Variants in GBE1 observed in about 807,000 individuals in gnomAD.
GBE1 encodes 1,4-alpha-glucan branching enzyme 1, also known as 1,4-alpha-glucan-branching enzyme.
In GBE1, 70 loss-of-function variants were observed where a neutral mutation model predicts 88.8. That is an observed-to-expected ratio of 0.79 (90% CI 0.65 to 0.96). The LOEUF (loss-of-function observed/expected upper bound fraction) is 0.96, where lower values mean the gene tolerates loss of function less well. GBE1 is among the 40% of genes least tolerant of loss of function. The pLI is 0.00. For synonymous variants in GBE1, 284 were observed against 300.1 expected, an observed-to-expected ratio of 0.95 and a Z score of 0.56; for missense variants, 872 against 871.0, an observed-to-expected ratio of 1.00 and a Z score of -0.01.
At chr3:81,522,382 A>G (rs928516311) in intron 14 of GBE1, among the ~76,000 whole-genome samples, 9 of 151,544 alleles carry the variant, frequency 5.9e-5, no homozygotes, top group African/African-American at 2.2e-4. Context: ...AAATTTCTAG[A>G]TGGGACTTCT....
chr3:81,502,095 T>C (rs1323578887), intron 14 of GBE1, among the ~76,000 whole-genome samples: 1 of 151,982 alleles, frequency 6.6e-6, no homozygotes, highest in East Asian at 1.9e-4. Flanking sequence ...TTCAATGTTA[T>C]AGTAAAATAA....
chr3:81,536,798 A>G (rs1703080166), intron 13 of GBE1, 113 bp downstream of exon 13: 4 of 759,138 alleles, frequency 5.3e-6, no homozygotes, highest in South Asian at 1.9e-5. Flanking sequence ...GACACTAGAC[A>G]CTGAATAATA....
intron 1 of GBE1, among the ~76,000 whole-genome samples, chr3:81,712,799 AAAAT>A (rs377738556): frequency 9.2e-4 from 138 of 149,392 alleles, no homozygotes; most frequent in African/African-American, 1.9e-3. Context: ...AAGTATAATA[AAAAT>A]AAATAAATAA....
chr3:81,533,914 T>A (rs1416060233), intron 14 of GBE1, among the ~76,000 whole-genome samples: 1 of 152,052 alleles, frequency 6.6e-6, no homozygotes, highest in Non-Finnish European at 1.5e-5. Flanking sequence ...ACCCTGAGAA[T>A]TGAAAGCAAA....
intron 12 of GBE1, among the ~76,000 whole-genome samples, chr3:81,551,760 C>T (rs186271015): frequency 5.3e-5 from 8 of 152,288 alleles, no homozygotes; most frequent in East Asian, 3.9e-4. Flanking sequence ...AGGCTGTGTC[C>T]GGGCACACAT....
intron 7 of GBE1, among the ~76,000 whole-genome samples, chr3:81,609,021 G>A (rs1194401265): frequency 3.3e-5 from 5 of 152,136 alleles, no homozygotes; most frequent in East Asian, 1.9e-4. Flanking sequence ...TAACTAAAAC[G>A]AATGGAGACA....
intron 3 of GBE1, among the ~76,000 whole-genome samples, chr3:81,668,233 G>A (rs1203524774): frequency 6.6e-6 from 1 of 152,022 alleles, no homozygotes; most frequent in Non-Finnish European, 1.5e-5. Flanking sequence ...GGTGAAGGGA[G>A]GGAACTCAGA....
intron 10 of GBE1, 40 bp from the exon 11 acceptor site, chr3:81,581,315 T>C (rs1703727787): frequency 9.4e-7 from 1 of 1,061,070 alleles, no homozygotes; most frequent in African/African-American, 1.6e-5. Flanking sequence ...GAGTAAAGCA[T>C]TATTTTTCTT....
In GBE1 at chr3:81,490,409, A is replaced by C. The variant is rs1400238963; in HGVS notation, c.2107T>G (p.Ter703GlyextTer25). The C allele has an allele frequency of 6.2e-7, 1 of 1,612,616 alleles. No individual in the cohort carries two copies. The highest frequency in any genetic ancestry group is 8.5e-7 in the Non-Finnish European group (1 of 1,178,962). Residue 703 changes from the stop codon to glycine, a stop_lost, in exon 16 of 16, where the codon TGA (stop) becomes GGA (glycine). Transcript: ENST00000429644. Reference protein sequence around the residue: ...LILQNVDLPN* With the variant: ...LILQNVDLPNG ...GGTGGAGCTGAAATCAGGCCTCTTC[A>C]ATTCGGCAGATCCACATTCTGAAGG...
intron 7 of GBE1, among the ~76,000 whole-genome samples, chr3:81,620,662 G>T (rs1357887385): frequency 6.6e-6 from 1 of 152,098 alleles, no homozygotes; most frequent in Non-Finnish European, 1.5e-5. Flanking sequence ...GTAAAATGGG[G>T]AGGGTTTTTA....
intron 2 of GBE1, among the ~76,000 whole-genome samples, chr3:81,684,545 A>AT (rs1177969813): frequency 6.6e-6 from 1 of 152,118 alleles, no homozygotes; most frequent in African/African-American, 2.4e-5. Context: ...AATCCCATTC[A>AT]TGAGGGCTCT....
At chr3:81,545,102 G>T (rs895307796) in intron 12 of GBE1, among the ~76,000 whole-genome samples, 2 of 152,042 alleles carry the variant, frequency 1.3e-5, no homozygotes, top group African/African-American at 4.8e-5. Flanking sequence ...ACTTTTAAAA[G>T]AAAATATCTA....
intron 2 of GBE1, among the ~76,000 whole-genome samples, chr3:81,679,186 C>T (rs769841421): frequency 1.3e-5 from 2 of 152,116 alleles, no homozygotes; most frequent in Non-Finnish European, 2.9e-5. Flanking sequence ...GTTATGAGGT[C>T]TCTGTGCACA....
chr3:81,748,118 C>CA (rs1318875152), intron 1 of GBE1, among the ~76,000 whole-genome samples: 1 of 150,882 alleles, frequency 6.6e-6, no homozygotes, highest in Non-Finnish European at 1.5e-5. Flanking sequence ...AGACTCATCT[C>CA]AAAAAACAAA....
intron 2 of GBE1, among the ~76,000 whole-genome samples, chr3:81,704,368 T>A (rs912161770): frequency 6.6e-6 from 1 of 152,040 alleles, no homozygotes; most frequent in Non-Finnish European, 1.5e-5. Context: ...ATTTGTTCTT[T>A]ATACATGTAC....
chr3:81,636,588 T>C (rs1362610850), intron 7 of GBE1, among the ~76,000 whole-genome samples: 1 of 151,476 alleles, frequency 6.6e-6, no homozygotes. Flanking sequence ...TGGAGTGCAA[T>C]GGCGCAATCT....
At chr3:81,644,397 G>A (rs889903775) in intron 6 of GBE1, among the ~76,000 whole-genome samples, 2 of 152,116 alleles carry the variant, frequency 1.3e-5, no homozygotes, top group African/African-American at 4.8e-5. Context: ...TAATATCTAA[G>A]GGTAAGAGCA....
intron 1 of GBE1, among the ~76,000 whole-genome samples, chr3:81,746,687 T>C (rs562427808): frequency 6.6e-6 from 1 of 152,298 alleles, no homozygotes; most frequent in South Asian, 2.1e-4. Flanking sequence ...AAGAAATATT[T>C]GGAATATAAA....
At chr3:81,631,896 A>G (rs1323301154) in intron 7 of GBE1, among the ~76,000 whole-genome samples, 1 of 152,082 alleles carries the variant, frequency 6.6e-6, no homozygotes, top group Non-Finnish European at 1.5e-5. Flanking sequence ...GGTCATCTAC[A>G]TTAGGTATTT....
Sources: gnomAD v4.1 joint callset for allele counts (sites outside exome capture counted in the v4.1 genomes callset) on GRCh38, gnomAD v4.1.1 for gene constraint, MANE v1.5 for transcripts, NCBI Gene and HGNC (gene_info 2026-07-23, HGNC 2026-07-21) for gene names.